The following MGA variants were observed in gnomAD, a reference collection of about 807,000 sequenced individuals.
MGA encodes the protein MAX gene-associated protein.
Under a neutral mutation model 261.1 loss-of-function variants are expected in MGA, and 40 were observed. The observed-to-expected ratio is 0.15, with a 90% CI of 0.12 to 0.20. The LOEUF is 0.20. Ranked by LOEUF, MGA falls within the 10% of genes least tolerant of loss-of-function variation. The pLI is 1.00. For synonymous variants in MGA, 1,302 were observed against 1,290.6 expected (o/e 1.01, Z -0.19); for missense variants, 3,397 against 3,630.5 (o/e 0.94, Z 1.65).
chr15:41,628,316 G>C (rs746563517), intron 1 of MGA, among the ~76,000 whole-genome samples: 10 of 146,006 alleles, frequency 6.8e-5, no homozygotes, highest in South Asian at 2.2e-4. Context: ...GCGGTGAGCT[G>C]AGATCGTGCC....
chr15:41,643,593 TTA>T (rs1391341124), intron 1 of MGA, among the ~76,000 whole-genome samples: 6 of 152,106 alleles, frequency 3.9e-5, no homozygotes, highest in Non-Finnish European at 8.8e-5. Flanking sequence ...GGAGTTCTTT[TTA>T]TATTCTAAAT....
At chr15:41,694,404 A>G (rs1276427983) in intron 2 of MGA, among the ~76,000 whole-genome samples, 6 of 152,176 alleles carry the variant, frequency 3.9e-5, no homozygotes, top group African/African-American at 1.2e-4. Flanking sequence ...TCTCAGGGAA[A>G]AAAAAAGTGA....
chr15:41,696,588 A>G lies in MGA; in HGVS notation c.1578A>G (p.Ser526=). Residue 526 remains serine (S), a synonymous_variant, in exon 3 of 24, where the codon TCA becomes TCG. Coordinates refer to ENST00000219905, the MANE Select transcript of MGA (RefSeq NM_001164273.2). ...CTGCCTTCTGCTTAGGCAAGGAATC[A>G]GAAAATGGTCTTAGAAAACATTCAC... The G allele has an allele frequency of 6.2e-7, 1 of 1,614,000 alleles. No individual in the cohort carries two copies. Among genetic ancestry groups the G allele is most frequent in the Non-Finnish European group, 8.5e-7 (1 of 1,179,888 alleles).
chr15:41,694,056 G>A (rs2151271783), intron 2 of MGA, among the ~76,000 whole-genome samples: 1 of 152,124 alleles, frequency 6.6e-6, no homozygotes, highest in South Asian at 2.1e-4. Context: ...CTAGTTCTAA[G>A]TGGAGGAGGG....
In MGA at chr15:41,768,463, G is replaced by C. The variant is rs1405519056; in HGVS notation, c.*1183G>C. On this transcript the variant is annotated 3_prime_UTR_variant, in exon 24 of 24. Transcript: ENST00000219905. ...CAACCTAGAAGATGAGATTTGTATT[G>C]AGTATAGAAATGATGTTTCCTATCT... 1 of 152,560 alleles carries C rather than the reference G, an allele frequency of 6.6e-6. No individual in the cohort carries two copies. Among genetic ancestry groups the C allele is most frequent in the African/African-American group, 2.4e-5 (1 of 41,422 alleles). 9.5% of individuals were successfully genotyped at this position (152,560 alleles called of 1,614,324 possible).
intron 1 of MGA, among the ~76,000 whole-genome samples, chr15:41,653,035 TTTATG>T: frequency 6.6e-6 from 1 of 152,254 alleles, no homozygotes; most frequent in South Asian, 2.1e-4. Context: ...TTGAATAATC[TTTATG>T]TTCTCTATTT....
In MGA at chr15:41,750,347, T is replaced by A. The variant is rs368028335; in HGVS notation, c.6740T>A (p.Ile2247Asn). 4.5e-5 allele frequency: 72 copies of A among 1,613,974 alleles called. No individual in the cohort carries two copies. In the South Asian group the frequency reaches 7.4e-4, roughly 16 times the overall value. The change falls in exon 17 of 24, where the codon ATT becomes AAT. Residue 2247 changes from isoleucine (I) to asparagine (N), a missense_variant. By Grantham distance (149) the Ile-to-Asn change is moderately radical. This residue lies in a region of MGA where 1,410 missense variants were observed against 1,386.4 expected (regional missense o/e 1.02). Coordinates refer to ENST00000219905, the MANE Select transcript of MGA (RefSeq NM_001164273.2). ...ACTGAATGTGATTCTTGGAGTAGGATTTCTAATCCTTCAGCCTTCTCCATT... is the reference window on the plus strand; with the variant it reads ...ACTGAATGTGATTCTTGGAGTAGGAATTCTAATCCTTCAGCCTTCTCCATT...
chr15:41,746,459 C>T (rs970150926), intron 15 of MGA, among the ~76,000 whole-genome samples: 3 of 148,982 alleles, frequency 2.0e-5, no homozygotes, highest in South Asian at 4.3e-4. Flanking sequence ...GCAGGAGAAT[C>T]GCTTGAACCC....
At chr15:41,745,908 G>A (rs899992956) in intron 15 of MGA, among the ~76,000 whole-genome samples, 2 of 152,122 alleles carry the variant, frequency 1.3e-5, no homozygotes, top group African/African-American at 4.8e-5. Flanking sequence ...ATCCTGCCAG[G>A]AAACACTAAC....
chr15:41,744,196 G>T (rs1349817050), intron 15 of MGA, among the ~76,000 whole-genome samples: 1 of 151,992 alleles, frequency 6.6e-6, no homozygotes, highest in Admixed American at 6.6e-5. Context: ...ATATGTGTGT[G>T]TGTGTATATA....
intron 15 of MGA, among the ~76,000 whole-genome samples, chr15:41,743,615 G>C (rs1257834996): frequency 6.6e-6 from 1 of 152,218 alleles, no homozygotes; most frequent in East Asian, 1.9e-4. Context: ...TGTGTGCTGA[G>C]AGCTAGGGGT....
At chr15:41,659,039 G>A (rs2057273588), upstream of MGA, among the ~76,000 whole-genome samples, 1 of 152,160 alleles carries the variant, frequency 6.6e-6, no homozygotes, top group Admixed American at 6.5e-5. Flanking sequence ...CAGCTTGTAG[G>A]AAAGAAGTTC....
chr15:41,764,031 C>T lies in MGA; in HGVS notation c.7745-855C>T, dbSNP rs531598143. On this transcript the variant is annotated intron_variant, in intron 22 of 23. Coordinates refer to ENST00000219905, the MANE Select transcript of MGA (RefSeq NM_001164273.2). ...AAAATTAGCCGGATGTGGTGGTGCA[C>T]ACCTGTAGTCCCAGCTACTTGGGAG... 2.0e-5 allele frequency among the ~76,000 whole-genome samples: 3 copies of T among 150,946 alleles called. No homozygotes were observed. The East Asian group carries it at 6.1e-4, about 31-fold the overall frequency.
chr15:41,727,367 T>C lies in MGA; in HGVS notation c.3618T>C (p.Ile1206=), dbSNP rs749593989. ...TGAAGGGCAAACTGCTCACTGGAATTAAATCTCCACGGTCATATACTCCCA... is the reference window on the plus strand; with the variant it reads ...TGAAGGGCAAACTGCTCACTGGAATCAAATCTCCACGGTCATATACTCCCA... The change falls in exon 10 of 24, where the codon ATT becomes ATC. Residue 1206 remains isoleucine, a synonymous_variant. Coordinates refer to ENST00000219905, the MANE Select transcript of MGA (RefSeq NM_001164273.2). 6.2e-7 allele frequency: 1 copy of C among 1,613,996 alleles called. No homozygotes were observed. Among genetic ancestry groups the C allele is most frequent in the Non-Finnish European group, 8.5e-7 (1 of 1,179,880 alleles).
chr15:41,622,546 G>A (rs1192484449), intron 1 of MGA, among the ~76,000 whole-genome samples: 1 of 152,030 alleles, frequency 6.6e-6, no homozygotes, highest in Non-Finnish European at 1.5e-5. Context: ...GACCTCATTC[G>A]AAAAATATTG....
At chr15:41,624,232 T>A (rs1004067719) in intron 1 of MGA, among the ~76,000 whole-genome samples, 1 of 150,686 alleles carries the variant, frequency 6.6e-6, no homozygotes, top group South Asian at 2.1e-4. Flanking sequence ...ACCCAGGTAA[T>A]TTTTGTATTT....
intron 9 of MGA, among the ~76,000 whole-genome samples, chr15:41,721,522 A>G (rs2060937275): frequency 6.6e-6 from 1 of 152,362 alleles, no homozygotes; most frequent in South Asian, 2.1e-4. Context: ...TCCAAAATAT[A>G]TAAAGGTGTC....
At chr15:41,733,691 A>G (rs1181291514) in intron 11 of MGA, among the ~76,000 whole-genome samples, 1 of 152,224 alleles carries the variant, frequency 6.6e-6, no homozygotes, top group African/African-American at 2.4e-5. Context: ...GCACAAAGAT[A>G]TGTGCATGTA....
Position 41,711,053 on chromosome 15 carries a change from T to G in MGA, c.2788T>G (p.Ser930Ala), listed in dbSNP as rs569269677. Reference sequence around the variant, plus strand: ...CCCTGTTTCACCAAAGCAGAAATACTCTCATGTGATTCTAGGAGATAAGGT... The same window carrying G: ...CCCTGTTTCACCAAAGCAGAAATACGCTCATGTGATTCTAGGAGATAAGGT... The change falls in exon 8 of 24, where the codon TCT (serine) becomes GCT (alanine). Residue 930 changes from serine (S) to alanine (A), a missense_variant. Physicochemically the swap from Ser to Ala is moderately conservative, Grantham distance 99. Transcript: ENST00000219905. 9.3e-6 allele frequency: 15 copies of G among 1,614,014 alleles called. No homozygotes were observed. The South Asian group carries it at 1.6e-4, about 18-fold the overall frequency.
Sources: gnomAD v4.1 joint callset for allele counts (sites outside exome capture counted in the v4.1 genomes callset) on GRCh38, gnomAD v4.1.1 for gene constraint, gnomAD v4.1.1 regional missense constraint, MANE v1.5 for transcripts, NCBI Gene and HGNC (gene_info 2026-07-23, HGNC 2026-07-21) for gene names.